Variants in STPG2 observed in about 807,000 individuals in gnomAD.
STPG2 encodes the protein sperm tail PG-rich repeat containing 2, also known as sperm-tail PG-rich repeat-containing protein 2.
A neutral mutation model predicts 54.2 loss-of-function variants in STPG2; 56 were observed. The observed-to-expected ratio is 1.03, with a 90% CI of 0.83 to 1.29. The LOEUF is 1.29. Among genes scored for constraint, STPG2 ranks in the 50% most tolerant of loss-of-function variants. STPG2 has a pLI of 0.00. For synonymous variants in STPG2, 200 were observed against 181.8 expected (o/e 1.10, Z -0.81); for missense variants, 596 against 544.9 (o/e 1.09, Z -0.93).
chr4:98,050,590 G>A lies in STPG2; in HGVS notation c.612+55363C>T, dbSNP rs556117018. The stretch of plus-strand genomic sequence containing the variant: ...ACAGGAGTTGAGGAACATTGAATCT[G>A]AGGGAGAGCCTGAATTCCTACAAAA... On this transcript the variant is annotated intron_variant, in intron 5 of 10. Coordinates refer to ENST00000295268, the MANE Select transcript of STPG2 (RefSeq NM_174952.3). Among the ~76,000 whole-genome samples, 10 of 152,294 alleles carry A rather than the reference G, an allele frequency of 6.6e-5. No homozygotes were observed. In the South Asian group the frequency reaches 1.4e-3, roughly 22 times the overall value.
At chr4:98,015,636 G>A (rs1735918883) in intron 5 of STPG2, among the ~76,000 whole-genome samples, 1 of 152,136 alleles carries the variant, frequency 6.6e-6, no homozygotes, top group Non-Finnish European at 1.5e-5. Context: ...AACCATTGTG[G>A]AAGACAGTGT....
At chr4:97,551,160 T>C (rs770945050) in intron 4 of STPG2, among the ~76,000 whole-genome samples, 15 of 152,128 alleles carry the variant, frequency 9.9e-5, no homozygotes, top group Non-Finnish European at 2.1e-4. Context: ...TACAAACCTT[T>C]AGCTAGACAT....
At chr4:98,088,528 T>C (rs1738593273) in intron 5 of STPG2, among the ~76,000 whole-genome samples, 1 of 152,002 alleles carries the variant, frequency 6.6e-6, no homozygotes, top group East Asian at 1.9e-4. Flanking sequence ...TTCTTGAATT[T>C]AAATAATAAT....
chr4:97,932,721 A>G (rs1372825644), intron 8 of STPG2, among the ~76,000 whole-genome samples: 2 of 152,206 alleles, frequency 1.3e-5, no homozygotes, highest in East Asian at 3.9e-4. Context: ...ACTGCATAGT[A>G]TTCCATAGTG....
chr4:98,106,209 A>C (rs1739184442), intron 4 of STPG2, 145 bp from the exon 5 acceptor site: 2 of 546,514 alleles, frequency 3.7e-6, no homozygotes, highest in South Asian at 9.0e-5. Flanking sequence ...AGACCAATAT[A>C]TTCAAAATTT....
At chr4:97,649,990 T>C (rs1344297476) in intron 10 of STPG2, among the ~76,000 whole-genome samples, 2 of 152,058 alleles carry the variant, frequency 1.3e-5, no homozygotes, top group Non-Finnish European at 2.9e-5. Flanking sequence ...AGTCCCATGT[T>C]GGAGTGATGG....
At chr4:97,498,724 T>C (rs138331896) in intron 4 of STPG2, among the ~76,000 whole-genome samples, 136 of 152,032 alleles carry the variant, frequency 8.9e-4, no homozygotes, top group Middle Eastern at 3.4e-3. Context: ...TGTCGATTTA[T>C]TTTTAACTAT....
intron 9 of STPG2, among the ~76,000 whole-genome samples, chr4:97,767,015 A>G (rs893237498): frequency 1.3e-5 from 2 of 152,068 alleles, no homozygotes; most frequent in Non-Finnish European, 2.9e-5. Flanking sequence ...AAGATTTTCT[A>G]TATGTCTAAA....
intron 5 of STPG2, chr4:98,025,638 AATATGGTATGAAGG>A: frequency 1.2e-6 from 1 of 853,406 alleles, no homozygotes; most frequent in Non-Finnish European, 2.0e-6. Flanking sequence ...GAACTGCCAA[AATATGGTATGAAGG>A]ATGGCCTAAC....
intron 1 of STPG2, among the ~76,000 whole-genome samples, chr4:98,139,578 T>C (rs963083642): frequency 9.9e-5 from 15 of 151,950 alleles, no homozygotes; most frequent in African/African-American, 3.4e-4. Context: ...AAAGAGATGG[T>C]AGCTACTTTT....
intron 8 of STPG2, among the ~76,000 whole-genome samples, chr4:97,870,245 C>A (rs1202203567): frequency 6.6e-6 from 1 of 151,362 alleles, no homozygotes; most frequent in Non-Finnish European, 1.5e-5. Context: ...AAAGAAAGCT[C>A]CTGCCTACAC....
At chr4:97,695,629 G>GA (rs1255757118) in intron 10 of STPG2, among the ~76,000 whole-genome samples, 1 of 151,684 alleles carries the variant, frequency 6.6e-6, no homozygotes, top group Non-Finnish European at 1.5e-5. Flanking sequence ...CCCTAGAACT[G>GA]AAAAATGAAT....
intron 5 of STPG2, among the ~76,000 whole-genome samples, chr4:98,054,085 G>A: frequency 6.6e-6 from 1 of 151,624 alleles, no homozygotes; most frequent in East Asian, 1.9e-4. Context: ...AAATTTTTAT[G>A]ATACAGGGGA....
rs556887047 is a variant in STPG2 at position 97,978,084 on chromosome 4, A to G, written c.772+3075T>C. ...TAGTTCCTTTCATCCATGTGTGAGAAGGTATAGATAGATAGAAGGAAAAGA... is the reference window on the plus strand; with the variant it reads ...TAGTTCCTTTCATCCATGTGTGAGAGGGTATAGATAGATAGAAGGAAAAGA... On this transcript the variant is annotated intron_variant, in intron 6 of 10. Coordinates refer to ENST00000295268, the MANE Select transcript of STPG2 (RefSeq NM_174952.3). 5.3e-5 allele frequency among the ~76,000 whole-genome samples: 8 copies of G among 152,312 alleles called. No homozygotes were observed. The South Asian group carries it at 1.7e-3, about 32-fold the overall frequency.
At chr4:97,448,108 C>T (rs1347229077) in intron 4 of STPG2, among the ~76,000 whole-genome samples, 3 of 152,134 alleles carry the variant, frequency 2.0e-5, no homozygotes, top group South Asian at 2.1e-4. Flanking sequence ...GGCTTATAGC[C>T]CCTTGGTTTT....
chr4:97,949,985 T>G (rs768962651), intron 7 of STPG2, among the ~76,000 whole-genome samples: 6 of 152,118 alleles, frequency 3.9e-5, no homozygotes, highest in Admixed American at 6.6e-5. Flanking sequence ...TTTCCTCAAT[T>G]TCCTCAAAAA....
chr4:97,897,011 T>G (rs1730979527), intron 8 of STPG2, among the ~76,000 whole-genome samples: 1 of 151,922 alleles, frequency 6.6e-6, no homozygotes, highest in South Asian at 2.1e-4. Flanking sequence ...ACCCAGGTAT[T>G]AAGCCTAGTA....
chr4:97,778,361 T>C (rs1476206543), intron 9 of STPG2, among the ~76,000 whole-genome samples: 1 of 152,080 alleles, frequency 6.6e-6, no homozygotes, highest in African/African-American at 2.4e-5. Flanking sequence ...TGAGATCGAA[T>C]GGCAAGGTGG....
intron 10 of STPG2, among the ~76,000 whole-genome samples, chr4:97,654,342 AT>A (rs1314390430): frequency 6.6e-6 from 1 of 152,260 alleles, no homozygotes; most frequent in African/African-American, 2.4e-5. Context: ...TTTTAAAGTG[AT>A]TTTTTATGAT....
Sources: allele counts gnomAD v4.1 joint callset (sites outside exome capture counted in the v4.1 genomes callset), GRCh38; gene constraint gnomAD v4.1.1; transcripts MANE v1.5; gene names NCBI Gene and HGNC (gene_info 2026-07-23, HGNC 2026-07-21).